DSCAML1: variants seen among roughly 807,000 people sequenced by gnomAD.
The protein encoded by DSCAML1 is DS cell adhesion molecule like 1, also known as cell adhesion molecule DSCAML1.
Under a neutral mutation model 200.5 loss-of-function variants are expected in DSCAML1, and 38 were observed. The ratio of observed to expected loss-of-function variants is 0.19; its 90% CI spans 0.15 to 0.25. DSCAML1 has a LOEUF of 0.25. DSCAML1 is among the 10% of genes least tolerant of loss of function. The pLI is 1.00. For synonymous variants in DSCAML1, 1,215 were observed against 1,165.0 expected, an observed-to-expected ratio of 1.04 and a Z score of -0.87; for missense variants, 2,223 against 2,858.8, an observed-to-expected ratio of 0.78 and a Z score of 5.07.
chr11:117,534,723 C>T (rs557205826), intron 3 of DSCAML1, among the ~76,000 whole-genome samples: 2 of 152,242 alleles, frequency 1.3e-5, no homozygotes, highest in African/African-American at 4.8e-5. Context: ...GATCCTCGCA[C>T]CCCAGCCTCC....
intron 3 of DSCAML1, among the ~76,000 whole-genome samples, chr11:117,601,507 C>T (rs1275594108): frequency 1.3e-5 from 2 of 152,136 alleles, no homozygotes; most frequent in African/African-American, 4.8e-5. Flanking sequence ...CTACGCCATC[C>T]AAAACACCGT....
At chr11:117,455,200 A>G (rs1020175783) in intron 19 of DSCAML1, among the ~76,000 whole-genome samples, 2 of 152,118 alleles carry the variant, frequency 1.3e-5, no homozygotes, top group Admixed American at 6.6e-5. Context: ...CAGTCACCCA[A>G]TCCACCCTTG....
chr11:117,745,202 G>A (rs1230759737), intron 3 of DSCAML1, among the ~76,000 whole-genome samples: 2 of 136,164 alleles, frequency 1.5e-5, no homozygotes, highest in African/African-American at 5.5e-5. Context: ...GGAGGCTCAC[G>A]GAGGGCTGGT....
At chr11:117,628,711 T>C (rs1381223810) in intron 3 of DSCAML1, among the ~76,000 whole-genome samples, 2 of 152,180 alleles carry the variant, frequency 1.3e-5, no homozygotes, top group African/African-American at 4.8e-5. Context: ...TCTTCTGGGA[T>C]GGACACTTCC....
chr11:117,655,265 G>C (rs1941389), intron 3 of DSCAML1, among the ~76,000 whole-genome samples: 1 of 152,228 alleles, frequency 6.6e-6, no homozygotes, highest in Admixed American at 6.5e-5. Flanking sequence ...AGGCAGAAGA[G>C]GGCTGGCTAT....
intron 8 of DSCAML1, among the ~76,000 whole-genome samples, chr11:117,507,644 C>T (rs1238620902): frequency 6.6e-6 from 1 of 152,190 alleles, no homozygotes; most frequent in East Asian, 1.9e-4. Flanking sequence ...TGTGCTCCCA[C>T]CAGCATGCCG....
In DSCAML1 at chr11:117,635,253, G is replaced by A. The variant is rs548261665; in HGVS notation, c.512-102731C>T. 5.1e-4 allele frequency among the ~76,000 whole-genome samples: 78 copies of A among 152,282 alleles called. 1 individual carries two copies. The highest frequency in any genetic ancestry group is 8.8e-5 in the Non-Finnish European group (6 of 68,034). On this transcript the variant is annotated intron_variant, in intron 3 of 32. Transcript: ENST00000651296. ...AGTGGGAGGAGGAGCGGATGGGGAG[G>A]GAGACAGAAAGCCCCAGCTCTACTC...
chr11:117,572,264 C>T (rs886603039), intron 3 of DSCAML1, among the ~76,000 whole-genome samples: 5 of 152,210 alleles, frequency 3.3e-5, no homozygotes, highest in Admixed American at 2.6e-4. Flanking sequence ...AATGAGTAAA[C>T]ATTTCTCACA....
intron 3 of DSCAML1, among the ~76,000 whole-genome samples, chr11:117,663,197 C>T (rs145978139): frequency 5.3e-5 from 8 of 152,334 alleles, no homozygotes; most frequent in Admixed American, 1.3e-4. Context: ...CTTGCTATAT[C>T]GCAGAGTCAG....
At chr11:117,526,143 C>T (rs1195392433) in intron 4 of DSCAML1, among the ~76,000 whole-genome samples, 2 of 152,228 alleles carry the variant, frequency 1.3e-5, no homozygotes, top group African/African-American at 2.4e-5. Context: ...CGTTCCCACC[C>T]TCCAAGGCCT....
chr11:117,629,771 A>T (rs1361688468), intron 3 of DSCAML1, among the ~76,000 whole-genome samples: 3 of 152,158 alleles, frequency 2.0e-5, no homozygotes, highest in African/African-American at 7.2e-5. Flanking sequence ...CCAAGGTGGA[A>T]GGAGTGTGTA....
intron 1 of DSCAML1, among the ~76,000 whole-genome samples, chr11:117,795,831 C>T (rs1399866962): frequency 6.6e-6 from 1 of 152,208 alleles, no homozygotes; most frequent in Admixed American, 6.5e-5. Flanking sequence ...CGGGTGGCAA[C>T]CCTCCACTGG....
chr11:117,601,552 G>A (rs1054363711), intron 3 of DSCAML1, among the ~76,000 whole-genome samples: 5 of 152,156 alleles, frequency 3.3e-5, no homozygotes, highest in African/African-American at 4.8e-5. Flanking sequence ...TCCACTATCC[G>A]TGTTTTATTC....
intron 3 of DSCAML1, among the ~76,000 whole-genome samples, chr11:117,771,276 T>C (rs1040113056): frequency 6.6e-6 from 1 of 152,188 alleles, no homozygotes; most frequent in Admixed American, 6.5e-5. Context: ...CATTTGTTTG[T>C]TGTATTGAGA....
chr11:117,758,760 G>T (rs190567658), intron 3 of DSCAML1, among the ~76,000 whole-genome samples: 2 of 152,080 alleles, frequency 1.3e-5, no homozygotes, highest in Non-Finnish European at 2.9e-5. Flanking sequence ...TTACAGACAC[G>T]GACATCTGAG....
intron 3 of DSCAML1, among the ~76,000 whole-genome samples, chr11:117,678,159 C>A (rs1305550019): frequency 6.6e-6 from 1 of 152,186 alleles, no homozygotes; most frequent in South Asian, 2.1e-4. Context: ...TACAATGACC[C>A]TTTCACCCTC....
intron 3 of DSCAML1, among the ~76,000 whole-genome samples, chr11:117,637,065 G>A (rs983363187): frequency 2.0e-5 from 3 of 152,024 alleles, no homozygotes; most frequent in African/African-American, 7.3e-5. Flanking sequence ...GCTGTTCCCT[G>A]AGCAGGAGCC....
intron 1 of DSCAML1, among the ~76,000 whole-genome samples, chr11:117,781,185 A>G (rs1013160114): frequency 2.6e-5 from 4 of 151,654 alleles, no homozygotes; most frequent in Non-Finnish European, 5.9e-5. Context: ...CAGCTGCTCG[A>G]GAGGATGAGG....
chr11:117,485,340 C>A (rs1377022999), intron 11 of DSCAML1, among the ~76,000 whole-genome samples: 1 of 152,190 alleles, frequency 6.6e-6, no homozygotes, highest in African/African-American at 2.4e-5. Flanking sequence ...TACCTGGAGC[C>A]TGAGACAGGG....
Sources: allele counts gnomAD v4.1 joint callset (sites outside exome capture counted in the v4.1 genomes callset), GRCh38; gene constraint gnomAD v4.1.1; transcripts MANE v1.5; gene names NCBI Gene and HGNC (gene_info 2026-07-23, HGNC 2026-07-21).